The following EPB41 variants were observed in gnomAD, a reference collection of about 807,000 sequenced individuals.
EPB41 encodes the protein erythrocyte membrane protein band 4.1, also known as protein 4.1.
EPB41 carries 65 observed loss-of-function variants against 108.0 expected under a neutral mutation model. The ratio of observed to expected loss-of-function variants is 0.60; its 90% CI spans 0.49 to 0.74. EPB41 has a LOEUF of 0.74. Ranked by LOEUF, EPB41 falls within the 30% of genes least tolerant of loss-of-function variation. The pLI, the probability that EPB41 is intolerant of heterozygous loss-of-function variation, is 0.00. For missense variants in EPB41, 875 were observed against 1,037.0 expected, an observed-to-expected ratio of 0.84 and a Z score of 2.15; for synonymous variants, 336 against 358.9, an observed-to-expected ratio of 0.94 and a Z score of 0.72.
intron 18 of EPB41, chr1:29,109,638 C>G: frequency 1.6e-6 from 1 of 623,510 alleles, no homozygotes; most frequent in Non-Finnish European, 2.9e-6. Context: ...TGAGAGTATC[C>G]CTGCCTACTT....
intron 11 of EPB41, chr1:29,041,147 T>TTAAATAAATAAATAAA (rs35491137): frequency 4.2e-5 from 6 of 141,340 alleles, no homozygotes; most frequent in African/African-American, 5.3e-5. Flanking sequence ...AATAAATAAA[T>TTAAATAAATAAATAAA]TAAATAAATA....
intron 4 of EPB41, among the ~76,000 whole-genome samples, chr1:28,999,323 T>C (rs1484148090): frequency 1.3e-5 from 2 of 152,126 alleles, no homozygotes; most frequent in African/African-American, 2.4e-5. Flanking sequence ...TGAGCCGAGA[T>C]TGTGCTACTG....
chr1:29,046,724 A>G (rs74065238), intron 11 of EPB41, among the ~76,000 whole-genome samples: 1,579 of 152,230 alleles, frequency 0.01, 31 homozygotes, highest in African/African-American at 0.036. Flanking sequence ...TTTCCTACAC[A>G]TTTTAATTGT....
At position 28,921,961 on chromosome 1, in the gene EPB41, T is replaced by TATATATATATATATATATATGC. The variant is rs770764638; in HGVS notation, c.-8+7194_-8+7195insTATATATATATATATATATGCA. On this transcript the variant is annotated intron_variant, in intron 1 of 20. Coordinates refer to ENST00000343067, the MANE Select transcript of EPB41 (RefSeq NM_001376013.1). Reference sequence around the variant, plus strand: ...TTTTATATATATATATATATATATATACACTTTTTTTTTGTTTTTTTTTTT... The same window carrying TATATATATATATATATATATGC: ...TTTTATATATATATATATATATATATATATATATATATATATATATGCACACTTTTTTTTTGTTTTTTTTTTT... Among the ~76,000 whole-genome samples the TATATATATATATATATATATGC allele has an allele frequency of 2.7e-4, 30 of 109,930 alleles. 1 individual carries two copies. Among genetic ancestry groups the TATATATATATATATATATATGC allele is most frequent in the South Asian group, 1.9e-3 (5 of 2,610 alleles). The allele number at this position is 109,930 out of a possible 152,430, so 72.1% of individuals were successfully genotyped here.
intron 17 of EPB41, among the ~76,000 whole-genome samples, chr1:29,108,372 T>C (rs1188500326): frequency 6.6e-6 from 1 of 151,446 alleles, no homozygotes. Context: ...GGTCTCAAAC[T>C]CCCCACCTCA....
At chr1:28,896,500 T>G (rs533390099) in intron 1 of EPB41, among the ~76,000 whole-genome samples, 1 of 152,304 alleles carries the variant, frequency 6.6e-6, no homozygotes, top group African/African-American at 2.4e-5. Flanking sequence ...CTTCCCCACC[T>G]TCCCCACCGG....
chr1:29,082,007 C>A (rs559376292), intron 16 of EPB41, among the ~76,000 whole-genome samples: 1 of 152,086 alleles, frequency 6.6e-6, no homozygotes, highest in Non-Finnish European at 1.5e-5. Flanking sequence ...CACTATTATA[C>A]GATTTCTCAA....
At chr1:29,095,683 G>C (rs1174287270) in intron 16 of EPB41, among the ~76,000 whole-genome samples, 1 of 151,684 alleles carries the variant, frequency 6.6e-6, no homozygotes, top group African/African-American at 2.4e-5. Context: ...GAGGCAGGAG[G>C]ATCCCTTAAA....
At chr1:28,984,694 G>C (rs1162658891) in intron 1 of EPB41, among the ~76,000 whole-genome samples, 1 of 145,072 alleles carries the variant, frequency 6.9e-6, no homozygotes, top group Non-Finnish European at 1.5e-5. Context: ...GTGTTGCTCT[G>C]TCACCTAGGC....
chr1:28,942,640 A>C (rs2094336157), intron 1 of EPB41, among the ~76,000 whole-genome samples: 2 of 152,080 alleles, frequency 1.3e-5, no homozygotes, highest in Admixed American at 1.3e-4. Flanking sequence ...AGTCCTTTTG[A>C]TTTTTCATGG....
chr1:29,112,925 A>G (rs1574094822), intron 19 of EPB41, among the ~76,000 whole-genome samples: 7 of 152,348 alleles, frequency 4.6e-5, no homozygotes, highest in Admixed American at 4.6e-4. Flanking sequence ...CCCTACCCTT[A>G]GAGAGCTGTA....
intron 15 of EPB41, among the ~76,000 whole-genome samples, chr1:29,060,951 G>A (rs113348212): frequency 4.2e-4 from 64 of 152,258 alleles, no homozygotes; most frequent in African/African-American, 1.5e-3. Flanking sequence ...TCGGGGAGGG[G>A]CGGGAAGTAA....
chr1:28,913,248 A>G (rs1241358216), upstream of EPB41, among the ~76,000 whole-genome samples: 2 of 151,936 alleles, frequency 1.3e-5, no homozygotes, highest in African/African-American at 4.8e-5. Context: ...GGAGATCGAG[A>G]CTAACACGGT....
chr1:29,005,736 A>C (rs1368922073), intron 4 of EPB41, among the ~76,000 whole-genome samples: 51 of 152,160 alleles, frequency 3.4e-4, no homozygotes, highest in Admixed American at 3.3e-3. Flanking sequence ...TTCCAGATGA[A>C]GAAGGAGGGA....
intron 11 of EPB41, among the ~76,000 whole-genome samples, chr1:29,052,763 TC>T (rs1644736885): frequency 6.6e-6 from 1 of 152,234 alleles, no homozygotes; most frequent in East Asian, 1.9e-4. Flanking sequence ...ACCCTTTTTT[TC>T]CTGCCATAGA....
chr1:29,026,098 C>T (rs969716645), intron 7 of EPB41, among the ~76,000 whole-genome samples: 1 of 152,038 alleles, frequency 6.6e-6, no homozygotes, highest in African/African-American at 2.4e-5. Context: ...AGGACATCCA[C>T]GTGTGCTGAG....
At chr1:29,079,050 C>CAATG (rs986612076) in intron 16 of EPB41, among the ~76,000 whole-genome samples, 1 of 151,420 alleles carries the variant, frequency 6.6e-6, no homozygotes, top group Non-Finnish European at 1.5e-5. Context: ...GGCTGGAGTG[C>CAATG]AATGGTGCGA....
At chr1:29,022,084 T>C (rs2096653351) in intron 7 of EPB41, among the ~76,000 whole-genome samples, 2 of 152,206 alleles carry the variant, frequency 1.3e-5, no homozygotes, top group South Asian at 4.1e-4. Context: ...TATATCCCCA[T>C]GATCTTGACA....
chr1:29,101,080 C>A (rs1352706136), intron 17 of EPB41, among the ~76,000 whole-genome samples: 2 of 151,986 alleles, frequency 1.3e-5, no homozygotes, highest in African/African-American at 4.8e-5. Flanking sequence ...CAAAATTAGC[C>A]GGGCACGGTG....
Sources: gnomAD v4.1 joint callset for allele counts (sites outside exome capture counted in the v4.1 genomes callset) on GRCh38, gnomAD v4.1.1 for gene constraint, MANE v1.5 for transcripts, NCBI Gene and HGNC (gene_info 2026-07-23, HGNC 2026-07-21) for gene names.